The following PAPPA2 variants were observed in gnomAD, a reference collection of about 807,000 sequenced individuals.
PAPPA2 encodes pappalysin-2.
A neutral mutation model predicts 176.4 loss-of-function variants in PAPPA2; 86 were observed. The ratio of observed to expected loss-of-function variants is 0.49; its 90% CI spans 0.41 to 0.58. PAPPA2 has a LOEUF of 0.58. Among genes scored for constraint, PAPPA2 ranks in the 20% least tolerant of loss-of-function variants. PAPPA2 has a pLI of 0.00. For missense variants in PAPPA2, 2,073 were observed against 2,256.9 expected, an observed-to-expected ratio of 0.92 and a Z score of 1.65; for synonymous variants, 809 against 852.2, an observed-to-expected ratio of 0.95 and a Z score of 0.88.
intron 3 of PAPPA2, among the ~76,000 whole-genome samples, chr1:176,600,655 G>A (rs1482182841): frequency 4.7e-5 from 6 of 126,398 alleles, no homozygotes; most frequent in East Asian, 4.3e-4. Flanking sequence ...CAGCCTGGGC[G>A]ACAGAGCGAG....
At chr1:176,826,855 A>G (rs929639320) in intron 21 of PAPPA2, among the ~76,000 whole-genome samples, 2 of 152,180 alleles carry the variant, frequency 1.3e-5, no homozygotes, top group African/African-American at 4.8e-5. Context: ...AAAAAGGAAA[A>G]TTTGTAGAGC....
intron 5 of PAPPA2, among the ~76,000 whole-genome samples, chr1:176,691,882 C>T (rs1196336076): frequency 6.6e-6 from 1 of 152,208 alleles, no homozygotes; most frequent in African/African-American, 2.4e-5. Flanking sequence ...AGCTGCCCAA[C>T]TTTAAGGTCA....
At chr1:176,807,078 G>A (rs1241885633) in intron 21 of PAPPA2, among the ~76,000 whole-genome samples, 1 of 152,218 alleles carries the variant, frequency 6.6e-6, no homozygotes, top group African/African-American at 2.4e-5. Context: ...ATGGATATGA[G>A]AGTCAGGACA....
intron 17 of PAPPA2, among the ~76,000 whole-genome samples, chr1:176,776,621 G>T (rs1664469300): frequency 6.6e-6 from 1 of 152,046 alleles, no homozygotes; most frequent in Non-Finnish European, 1.5e-5. Flanking sequence ...GGGCATGTGT[G>T]TTTGACCCAT....
At chr1:176,492,216 C>A (rs1213580434) in intron 1 of PAPPA2, among the ~76,000 whole-genome samples, 1 of 152,192 alleles carries the variant, frequency 6.6e-6, no homozygotes, top group African/African-American at 2.4e-5. Flanking sequence ...GCACAGATGG[C>A]TGAAGAGTTG....
At chr1:176,757,476 CAT>C (rs1283473323) in intron 14 of PAPPA2, among the ~76,000 whole-genome samples, 2 of 152,140 alleles carry the variant, frequency 1.3e-5, no homozygotes, top group Admixed American at 6.5e-5. Flanking sequence ...AGCATTTTTT[CAT>C]ATGTCTGTTG....
chr1:176,665,015 G>A (rs1296434667), intron 3 of PAPPA2, among the ~76,000 whole-genome samples: 1 of 152,120 alleles, frequency 6.6e-6, no homozygotes, highest in Non-Finnish European at 1.5e-5. Flanking sequence ...GAATGAGGGA[G>A]GAATTCTGCG....
At chr1:176,703,745 T>C (rs1660760413) in intron 9 of PAPPA2, among the ~76,000 whole-genome samples, 1 of 152,194 alleles carries the variant, frequency 6.6e-6, no homozygotes, top group Admixed American at 6.5e-5. Context: ...GTCATAGAAG[T>C]ATAAACACTA....
chr1:176,797,308 T>C (rs999826056), intron 20 of PAPPA2, among the ~76,000 whole-genome samples: 3 of 152,154 alleles, frequency 2.0e-5, no homozygotes, highest in African/African-American at 7.2e-5. Flanking sequence ...TTCTTATCAT[T>C]ATAGCTTTAT....
chr1:176,573,837 G>GCATGCTT (rs1474158088), intron 2 of PAPPA2, among the ~76,000 whole-genome samples: 2 of 152,112 alleles, frequency 1.3e-5, no homozygotes, highest in Admixed American at 6.5e-5. Flanking sequence ...TGAAAAGCTG[G>GCATGCTT]CATGCTTTCA....
Position 176,844,767 on chromosome 1 carries a change from T to C in PAPPA2, c.*2313T>C, listed in dbSNP as rs1413478290. ...TTGGAGAATCCTACTTTGTCTGAGA[T>C]TGAGGCAGAGGAATTGTTATCCTGG... On this transcript the variant is annotated 3_prime_UTR_variant, in exon 23 of 23. Coordinates refer to ENST00000367662, the MANE Select transcript of PAPPA2 (RefSeq NM_020318.3). The C allele has an allele frequency of 6.6e-6, 1 of 152,146 alleles. No individual in the cohort carries two copies. The highest frequency in any genetic ancestry group is 1.5e-5 in the Non-Finnish European group (1 of 68,020). The allele number at this position is 152,146 out of a possible 1,614,324, so 9.4% of individuals were successfully genotyped here.
chr1:176,763,418 T>A (rs377156990), intron 14 of PAPPA2, among the ~76,000 whole-genome samples: 1 of 152,200 alleles, frequency 6.6e-6, no homozygotes, highest in Non-Finnish European at 1.5e-5. Context: ...TGGAGCAAGA[T>A]GGTTGAATCA....
At chr1:176,506,870 GAC>G (rs1648297571) in intron 1 of PAPPA2, among the ~76,000 whole-genome samples, 1 of 152,092 alleles carries the variant, frequency 6.6e-6, no homozygotes, top group Admixed American at 6.6e-5. Flanking sequence ...TGCCCCTCTT[GAC>G]ATTGGTCTTG....
At chr1:176,638,934 A>ATGTG (rs954083983) in intron 3 of PAPPA2, among the ~76,000 whole-genome samples, 6 of 115,764 alleles carry the variant, frequency 5.2e-5, no homozygotes, top group Admixed American at 1.6e-4. Context: ...GTGCATGTGC[A>ATGTG]TGTGCGTGTG....
At chr1:176,534,375 C>G (rs1442723073) in intron 1 of PAPPA2, among the ~76,000 whole-genome samples, 1 of 152,192 alleles carries the variant, frequency 6.6e-6, no homozygotes, top group Non-Finnish European at 1.5e-5. Context: ...GTCCCGACCT[C>G]TCTCAGTATC....
rs1370408609 is a variant in PAPPA2, at chr1:176,581,907, T to C, written c.920-12617T>C. On this transcript the variant is annotated intron_variant, in intron 2 of 22. Coordinates refer to ENST00000367662, the MANE Select transcript of PAPPA2 (RefSeq NM_020318.3). ...GAGTCTTTAGATTTTTCTTTTTTTCTTTCTTTCTTTCTTTCTTTTTTTTTT... is the reference window on the plus strand; with the variant it reads ...GAGTCTTTAGATTTTTCTTTTTTTCCTTCTTTCTTTCTTTCTTTTTTTTTT... 1.9e-4 allele frequency among the ~76,000 whole-genome samples: 25 copies of C among 131,476 alleles called. 2 individuals carry two copies. Among genetic ancestry groups the C allele is most frequent in the Admixed American group, 1.9e-3 (25 of 13,402 alleles). 86.3% of individuals were successfully genotyped at this position (131,476 alleles called of 152,430 possible). A position where few individuals can be genotyped will look rare whatever the true frequency, so the allele number is the denominator to read the frequency against.
At chr1:176,482,391 A>T (rs921651000) in intron 1 of PAPPA2, among the ~76,000 whole-genome samples, 2 of 152,180 alleles carry the variant, frequency 1.3e-5, no homozygotes, top group African/African-American at 4.8e-5. Flanking sequence ...TTCATCATGG[A>T]TACTTTGGGC....
At chr1:176,827,512 C>A (rs1666905937) in intron 21 of PAPPA2, among the ~76,000 whole-genome samples, 2 of 152,180 alleles carry the variant, frequency 1.3e-5, no homozygotes, top group African/African-American at 4.8e-5. Context: ...GGTTTAATCC[C>A]ATGTACCCCA....
chr1:176,676,151 C>A (rs1281388416), intron 4 of PAPPA2, among the ~76,000 whole-genome samples: 1 of 152,020 alleles, frequency 6.6e-6, no homozygotes. Context: ...ATGGCACAGC[C>A]ACTCGAGAAT....
Sources: gnomAD v4.1 joint callset for allele counts (sites outside exome capture counted in the v4.1 genomes callset) on GRCh38, gnomAD v4.1.1 for gene constraint, MANE v1.5 for transcripts, NCBI Gene and HGNC (gene_info 2026-07-23, HGNC 2026-07-21) for gene names.